Variants in ZNF599 observed in about 807,000 individuals in gnomAD.
The protein encoded by ZNF599 is zinc finger protein 599.
A neutral mutation model predicts 11.7 loss-of-function variants in ZNF599; 10 were observed. The ratio of observed to expected loss-of-function variants is 0.86; its 90% CI spans 0.53 to 1.45. The LOEUF is 1.45. Among genes scored for constraint, ZNF599 ranks in the 40% most tolerant of loss-of-function variants. The pLI is 0.00. For synonymous variants in ZNF599, 232 were observed against 253.2 expected, an observed-to-expected ratio of 0.92 and a Z score of 0.79; for missense variants, 688 against 713.6, an observed-to-expected ratio of 0.96 and a Z score of 0.41.
intron 3 of ZNF599, chr19:34,765,314 A>G (rs2069135866): frequency 2.1e-6 from 1 of 476,904 alleles, no homozygotes; most frequent in Non-Finnish European, 3.8e-6. Flanking sequence ...ATGATAAAAT[A>G]TATGTAATTT....
chr19:34,791,154 C>T, the ZNF599 span, among the ~76,000 whole-genome samples: 180 of 152,300 alleles, frequency 1.2e-3, 1 homozygote, highest in Non-Finnish European at 2.3e-3. Context: ...GTTGACCAAA[C>T]CCATTTTCTC....
chr19:34,760,914 T>A (rs2069109293), intron 3 of ZNF599, among the ~76,000 whole-genome samples: 1 of 152,072 alleles, frequency 6.6e-6, no homozygotes, highest in South Asian at 2.1e-4. Flanking sequence ...AGGATACACT[T>A]AACATGGCCC....
chr19:34,767,271 C>G, intron 3 of ZNF599, 45 bp downstream of exon 3: 5 of 1,507,012 alleles, frequency 3.3e-6, no homozygotes, highest in Non-Finnish European at 4.6e-6. Context: ...CCTGGGTGGT[C>G]TGCAGGCTGC....
upstream of ZNF599, among the ~76,000 whole-genome samples, chr19:34,774,474 C>T (rs190986933): frequency 1.6e-3 from 240 of 152,268 alleles, no homozygotes; most frequent in African/African-American, 5.4e-3. Flanking sequence ...AGCATTACAT[C>T]CAAAGAGGCA....
chr19:34,783,425 G>A, the ZNF599 span, among the ~76,000 whole-genome samples: 2 of 152,296 alleles, frequency 1.3e-5, no homozygotes, highest in African/African-American at 4.8e-5. Context: ...GGTTATATGG[G>A]TGCTCCTTAG....
the ZNF599 span, among the ~76,000 whole-genome samples, chr19:34,806,124 A>C: frequency 2.6e-5 from 4 of 152,104 alleles, no homozygotes; most frequent in Non-Finnish European, 5.9e-5. Context: ...ATGATCCATA[A>C]GCACTTTTGT....
intron 2 of ZNF599, among the ~76,000 whole-genome samples, chr19:34,768,225 G>C (rs1317285542): frequency 1.3e-5 from 2 of 152,170 alleles, no homozygotes; most frequent in East Asian, 3.9e-4. Flanking sequence ...CAGCATTAAA[G>C]GGGAATCAGG....
chr19:34,793,707 A>T, the ZNF599 span, among the ~76,000 whole-genome samples: 1 of 152,218 alleles, frequency 6.6e-6, no homozygotes, highest in Non-Finnish European at 1.5e-5. Flanking sequence ...GACAGAGCAA[A>T]GTGAAAGCAA....
At chr19:34,768,151 T>A (rs1312316469) in intron 2 of ZNF599, among the ~76,000 whole-genome samples, 1 of 152,140 alleles carries the variant, frequency 6.6e-6, no homozygotes, top group African/African-American at 2.4e-5. Context: ...TACGCACACT[T>A]ACATGCCACA....
chr19:34,804,107 C>T, the ZNF599 span, among the ~76,000 whole-genome samples: 2 of 152,192 alleles, frequency 1.3e-5, no homozygotes, highest in South Asian at 4.1e-4. Context: ...ATCAGTCAAT[C>T]TCAGCCATCC....
chr19:34,807,095 GC>G, the ZNF599 span, among the ~76,000 whole-genome samples: 15 of 152,258 alleles, frequency 9.9e-5, no homozygotes, highest in African/African-American at 3.4e-4. Context: ...GCCCAGTTGT[GC>G]CTCCAAACCT....
chr19:34,769,573 G>A lies in ZNF599; in HGVS notation c.19-18C>T, dbSNP rs778314029. On this transcript the variant is annotated intron_variant, in intron 1 of 3. Coordinates refer to ENST00000329285, the MANE Select transcript of ZNF599 (RefSeq NM_001007248.3). ...ACTAATGCCTGGGAAGTCAAACAGAGGTGACAGGTGGCTGTGGAGCTATTA... is the reference window on the plus strand; with the variant it reads ...ACTAATGCCTGGGAAGTCAAACAGAAGTGACAGGTGGCTGTGGAGCTATTA... 1.9e-6 allele frequency: 3 copies of A among 1,608,916 alleles called. No individual in the cohort carries two copies. The highest frequency in any genetic ancestry group is 2.6e-6 in the Non-Finnish European group (3 of 1,176,036).
the ZNF599 span, among the ~76,000 whole-genome samples, chr19:34,797,868 A>C: frequency 6.6e-6 from 1 of 152,216 alleles, no homozygotes; most frequent in Non-Finnish European, 1.5e-5. Flanking sequence ...AGTATGTCTT[A>C]ACCCTAAAGA....
At chr19:34,783,855 C>T in the ZNF599 span, among the ~76,000 whole-genome samples, 7 of 152,084 alleles carry the variant, frequency 4.6e-5, no homozygotes, top group East Asian at 1.9e-4. Context: ...GCACCTGCCT[C>T]GTAACTCTAG....
the ZNF599 span, among the ~76,000 whole-genome samples, chr19:34,799,661 C>T: frequency 6.6e-5 from 10 of 152,206 alleles, no homozygotes; most frequent in African/African-American, 9.7e-5. Context: ...GGTGCTCTAA[C>T]CTGCTAGGAC....
the ZNF599 span, among the ~76,000 whole-genome samples, chr19:34,785,088 T>C: frequency 2.6e-3 from 291 of 114,056 alleles, no homozygotes; most frequent in Non-Finnish European, 4.8e-3. Context: ...TAACTTCTGA[T>C]ACTTCTGATA....
At chr19:34,796,686 T>A in the ZNF599 span, among the ~76,000 whole-genome samples, 1 of 152,166 alleles carries the variant, frequency 6.6e-6, no homozygotes, top group Non-Finnish European at 1.5e-5. Flanking sequence ...GAAAGGGCAA[T>A]GCTTTATTTC....
the ZNF599 span, among the ~76,000 whole-genome samples, chr19:34,799,700 A>T: frequency 6.6e-6 from 1 of 152,348 alleles, no homozygotes; most frequent in East Asian, 1.9e-4. Context: ...AGGAAGAGAC[A>T]CCAGAGATTG....
At chr19:34,785,247 T>G in the ZNF599 span, among the ~76,000 whole-genome samples, 1 of 152,148 alleles carries the variant, frequency 6.6e-6, no homozygotes, top group East Asian at 1.9e-4. Context: ...CAGCTTGACT[T>G]AAAAAATAGA....
Sources: allele counts gnomAD v4.1 joint callset (sites outside exome capture counted in the v4.1 genomes callset), GRCh38; gene constraint gnomAD v4.1.1; transcripts MANE v1.5; gene names NCBI Gene and HGNC (gene_info 2026-07-23, HGNC 2026-07-21).